The following RTL4 variants were observed in gnomAD, a reference collection of about 807,000 sequenced individuals.
RTL4 encodes retrotransposon Gag like 4.
In RTL4, 4 loss-of-function variants were observed where a neutral mutation model predicts 5.3. That is an observed-to-expected ratio of 0.75 (90% CI 0.37 to 1.72). RTL4 has a LOEUF of 1.72. Among genes scored for constraint, RTL4 ranks in the 40% most tolerant of loss-of-function variants. The probability of loss-of-function intolerance (pLI) is 0.04; values close to 1 mark genes in which losing one functional copy is unlikely to be tolerated. For synonymous variants in RTL4, 98 were observed against 87.3 expected (o/e 1.12, Z -0.68); for missense variants, 260 against 227.1 (o/e 1.14, Z -0.93).
chrX:112,432,040 T>A, the RTL4 span, among the ~76,000 whole-genome samples: 3 of 98,415 alleles, frequency 3.0e-5, no homozygotes, highest in Non-Finnish European at 6.2e-5. Flanking sequence ...TTCATCCATG[T>A]CCCTACAAAG....
chrX:112,112,182 G>A, the RTL4 span, among the ~76,000 whole-genome samples: 1 of 112,087 alleles, frequency 8.9e-6, no homozygotes, highest in Non-Finnish European at 1.9e-5. Flanking sequence ...CTGGTTGTGG[G>A]GTTGTCCCAC....
the RTL4 span, among the ~76,000 whole-genome samples, chrX:112,343,271 G>A: frequency 2.7e-5 from 3 of 112,186 alleles, no homozygotes; most frequent in Admixed American, 2.8e-4. Flanking sequence ...TGATTCTGTA[G>A]ATGATCCATC....
the RTL4 span, among the ~76,000 whole-genome samples, chrX:112,084,557 C>T: frequency 9.0e-6 from 1 of 110,918 alleles, no homozygotes; most frequent in East Asian, 2.8e-4. Flanking sequence ...GGCAGTTTTA[C>T]TGTGAACCAG....
the RTL4 span, among the ~76,000 whole-genome samples, chrX:112,237,958 A>T: frequency 8.0e-5 from 9 of 112,062 alleles, no homozygotes; most frequent in Non-Finnish European, 1.9e-5. Context: ...GGCCCACTAC[A>T]GCTGCATAAT....
At chrX:112,311,990 C>T in the RTL4 span, among the ~76,000 whole-genome samples, 23 of 111,746 alleles carry the variant, frequency 2.1e-4, no homozygotes, top group African/African-American at 7.4e-4. Context: ...CCAATGCTAT[C>T]ATAGTTCACT....
chrX:112,233,294 G>T, the RTL4 span, among the ~76,000 whole-genome samples: 1 of 109,731 alleles, frequency 9.1e-6, no homozygotes, highest in Non-Finnish European at 1.9e-5. Flanking sequence ...TTTATCACGT[G>T]GTTGTATCTG....
the RTL4 span, among the ~76,000 whole-genome samples, chrX:112,298,743 G>A: frequency 8.9e-6 from 1 of 112,708 alleles, no homozygotes; most frequent in African/African-American, 3.2e-5. Context: ...GCCCTTTGGG[G>A]GTAGTGGGGT....
the RTL4 span, among the ~76,000 whole-genome samples, chrX:112,368,607 T>G: frequency 9.0e-6 from 1 of 110,874 alleles, no homozygotes; most frequent in African/African-American, 3.3e-5. Context: ...CTGGGGATGC[T>G]GCTAAACATC....
At chrX:112,201,606 G>A in the RTL4 span, among the ~76,000 whole-genome samples, 16 of 110,111 alleles carry the variant, frequency 1.5e-4, no homozygotes, top group South Asian at 4.9e-3. Context: ...CCCACCGGGA[G>A]CACAGTTGAG....
chrX:112,171,908 T>C, the RTL4 span, among the ~76,000 whole-genome samples: 10 of 112,162 alleles, frequency 8.9e-5, no homozygotes, highest in South Asian at 3.3e-3. Context: ...TAAACTATCA[T>C]CAGAGTGAAC....
At chrX:112,253,806 AGTT>A in the RTL4 span, among the ~76,000 whole-genome samples, 2 of 112,252 alleles carry the variant, frequency 1.8e-5, no homozygotes, top group African/African-American at 6.5e-5. Flanking sequence ...AATTCTGCTA[AGTT>A]ACGCCTCTAC....
the RTL4 span, among the ~76,000 whole-genome samples, chrX:112,432,452 G>A: frequency 8.0e-5 from 8 of 99,811 alleles, no homozygotes; most frequent in South Asian, 3.9e-3. Context: ...ATCTCATTGT[G>A]GTTTTGATTT....
chrX:112,088,065 C>T, the RTL4 span, among the ~76,000 whole-genome samples: 7 of 106,628 alleles, frequency 6.6e-5, no homozygotes, highest in African/African-American at 1.4e-4. Context: ...TGTCCAGGCA[C>T]GTCTCAAACT....
the RTL4 span, among the ~76,000 whole-genome samples, chrX:112,180,748 T>A: frequency 1.7e-4 from 19 of 112,274 alleles, no homozygotes; most frequent in African/African-American, 6.2e-4. Context: ...CTGATTCAGA[T>A]GCTTCAGGAT....
the RTL4 span, among the ~76,000 whole-genome samples, chrX:112,330,893 A>C: frequency 1.1e-4 from 12 of 109,544 alleles, no homozygotes; most frequent in Admixed American, 1.9e-4. Context: ...CCTGAGAAAA[A>C]CAAGAAATGG....
At chrX:112,201,110 A>T in the RTL4 span, among the ~76,000 whole-genome samples, 1 of 111,384 alleles carries the variant, frequency 9.0e-6, no homozygotes. Context: ...AGGAGAAGCA[A>T]GGCACCTTCT....
At chrX:112,159,841 C>A in the RTL4 span, among the ~76,000 whole-genome samples, 4 of 110,815 alleles carry the variant, frequency 3.6e-5, no homozygotes, top group African/African-American at 6.6e-5. Flanking sequence ...GCAGCCCCTA[C>A]ACCTCTGTTT....
the RTL4 span, among the ~76,000 whole-genome samples, chrX:112,181,692 CA>C: frequency 3.6e-5 from 4 of 112,003 alleles, no homozygotes; most frequent in Non-Finnish European, 7.5e-5. Flanking sequence ...CAGGGACTTA[CA>C]GATAAAATTC....
the RTL4 span, among the ~76,000 whole-genome samples, chrX:112,440,974 AT>A: frequency 0.23 from 25,904 of 110,658 alleles, 2,553 homozygotes; most frequent in African/African-American, 0.38. Flanking sequence ...AGCATTAGGA[AT>A]TGGAGGTCAG....
Sources: allele counts gnomAD v4.1 joint callset (sites outside exome capture counted in the v4.1 genomes callset), GRCh38; gene constraint gnomAD v4.1.1; transcripts MANE v1.5; gene names NCBI Gene and HGNC (gene_info 2026-07-23, HGNC 2026-07-21).